The following SHROOM3 variants were observed in gnomAD, a reference collection of about 807,000 sequenced individuals.
SHROOM3 encodes shroom family member 3.
Under a neutral mutation model 138.6 loss-of-function variants are expected in SHROOM3, and 47 were observed. The ratio of observed to expected loss-of-function variants is 0.34; its 90% CI spans 0.27 to 0.43. The LOEUF is 0.43. Among genes scored for constraint, SHROOM3 ranks in the 20% least tolerant of loss-of-function variants. SHROOM3 has a pLI of 1.00. For missense variants in SHROOM3, 2,491 were observed against 2,596.5 expected (o/e 0.96, Z 0.88); for synonymous variants, 1,062 against 1,063.3 (o/e 1.00, Z 0.02).
At chr4:76,472,337 T>C (rs1214201187) in intron 1 of SHROOM3, among the ~76,000 whole-genome samples, 1 of 152,240 alleles carries the variant, frequency 6.6e-6, no homozygotes, top group Non-Finnish European at 1.5e-5. Flanking sequence ...ATTAATTCAA[T>C]GATATTTGTT....
At chr4:76,621,904 C>T (rs1735015637) in intron 2 of SHROOM3, among the ~76,000 whole-genome samples, 1 of 150,506 alleles carries the variant, frequency 6.6e-6, no homozygotes, top group Non-Finnish European at 1.5e-5. Flanking sequence ...ATCTCCGGCT[C>T]ACTGCAACCT....
chr4:76,583,538 A>C (rs1182386611), intron 2 of SHROOM3, among the ~76,000 whole-genome samples: 1 of 152,228 alleles, frequency 6.6e-6, no homozygotes, highest in Non-Finnish European at 1.5e-5. Flanking sequence ...GGAAAAGCTG[A>C]ATAATTTGCC....
chr4:76,635,652 C>G (rs575468664), intron 2 of SHROOM3, among the ~76,000 whole-genome samples: 2 of 152,298 alleles, frequency 1.3e-5, no homozygotes, highest in South Asian at 4.1e-4. Context: ...TGTACTCACT[C>G]TCTTGGTCTT....
At chr4:76,708,983 A>G (rs1409747256) in intron 2 of SHROOM3, among the ~76,000 whole-genome samples, 1 of 152,246 alleles carries the variant, frequency 6.6e-6, no homozygotes, top group African/African-American at 2.4e-5. Flanking sequence ...GTGCTTAGAT[A>G]TAACTAAGGT....
intron 2 of SHROOM3, among the ~76,000 whole-genome samples, chr4:76,648,746 T>C (rs1172629144): frequency 6.6e-6 from 1 of 152,184 alleles, no homozygotes; most frequent in Admixed American, 6.5e-5. Context: ...AGATGTAAGA[T>C]TTGATTATAA....
chr4:76,468,829 A>G (rs1035020101), intron 1 of SHROOM3, among the ~76,000 whole-genome samples: 1 of 152,014 alleles, frequency 6.6e-6, no homozygotes, highest in Non-Finnish European at 1.5e-5. Context: ...CAGGAGTTTG[A>G]TACCAGCCTG....
intron 2 of SHROOM3, among the ~76,000 whole-genome samples, chr4:76,650,517 G>GTT (rs1289011835): frequency 4.9e-5 from 7 of 143,182 alleles, no homozygotes; most frequent in Admixed American, 7.1e-5. Context: ...TTTTTTTTAA[G>GTT]TATATTTATT....
At chr4:76,712,347 G>A (rs1577989663) in intron 3 of SHROOM3, among the ~76,000 whole-genome samples, 1 of 152,296 alleles carries the variant, frequency 6.6e-6, no homozygotes, top group Middle Eastern at 3.4e-3. Flanking sequence ...GGGGATATCT[G>A]CAGGGCCATT....
At chr4:76,604,598 G>A (rs1734577829) in intron 2 of SHROOM3, among the ~76,000 whole-genome samples, 1 of 150,430 alleles carries the variant, frequency 6.6e-6, no homozygotes, top group African/African-American at 2.4e-5. Flanking sequence ...ATGTTCAAAT[G>A]GTAACCGTCC....
intron 3 of SHROOM3, among the ~76,000 whole-genome samples, chr4:76,718,397 C>G (rs1447625259): frequency 1.3e-5 from 2 of 152,140 alleles, no homozygotes; most frequent in Non-Finnish European, 2.9e-5. Flanking sequence ...AAGTCTTTTA[C>G]ATTTTCAGCT....
Position 76,740,298 on chromosome 4 carries a change from G to T in SHROOM3, c.2125G>T (p.Ala709Ser), listed in dbSNP as rs781317898. The T allele has an allele frequency of 6.8e-6, 11 of 1,613,140 alleles. No individual in the cohort carries two copies. Among genetic ancestry groups the T allele is most frequent in the Non-Finnish European group, 9.3e-6 (11 of 1,180,028 alleles). The change falls in exon 5 of 11, where the codon GCT (alanine) becomes TCT (serine). Residue 709 changes from alanine (A) to serine (S), a missense_variant. Coordinates refer to ENST00000296043, the MANE Select transcript of SHROOM3 (RefSeq NM_020859.4). This position sits in a 1 kb window ranked among gnomAD's most constrained non-coding sequence, Gnocchi z 4.0. ...GGCAGAAGACCCTGGGAGGAAAGCC[G>T]CTCCTGACCTCGGGAGCCATCTGGA... ...TKAEDPGRKA[A>S]PDLGSHLDRQ... is the part of the protein sequence containing the mutation.
chr4:76,483,390 GA>G (rs1309675783), intron 1 of SHROOM3, among the ~76,000 whole-genome samples: 2 of 152,110 alleles, frequency 1.3e-5, no homozygotes, highest in African/African-American at 4.8e-5. Flanking sequence ...ACAAACATAT[GA>G]AAAAAAGCTC....
intron 2 of SHROOM3, among the ~76,000 whole-genome samples, chr4:76,684,624 G>C (rs987293315): frequency 1.3e-5 from 2 of 152,130 alleles, no homozygotes; most frequent in Non-Finnish European, 2.9e-5. Context: ...CTTTACTTGG[G>C]ACCCTGGGGC....
chr4:76,548,909 T>C (rs1486022759), intron 1 of SHROOM3, among the ~76,000 whole-genome samples: 1 of 152,214 alleles, frequency 6.6e-6, no homozygotes, highest in Non-Finnish European at 1.5e-5. Context: ...TCTGAAGTCA[T>C]TTAACCTGTT....
chr4:76,677,237 T>C (rs1474517190), intron 2 of SHROOM3, among the ~76,000 whole-genome samples: 1 of 152,156 alleles, frequency 6.6e-6, no homozygotes, highest in East Asian at 1.9e-4. Context: ...CACTTTCCTT[T>C]ACCTTCTAGG....
At position 76,741,686 on chromosome 4, in the gene SHROOM3, C is replaced by T. The variant is rs1451622994; in HGVS notation, c.3513C>T (p.Ser1171=). ...AETQQAPRDR[S]SSFAGGRRLG... The stretch of plus-strand genomic sequence containing the variant: ...CCCAGCAGGCTCCCCGAGATCGCAG[C>T]AGCTCCTTCGCCGGTGGCCGCCGCC... The change falls in exon 5 of 11, where the codon AGC becomes AGT. Residue 1171 remains serine, a synonymous_variant. Coordinates refer to ENST00000296043, the MANE Select transcript of SHROOM3 (RefSeq NM_020859.4). This position sits in a 1 kb window ranked among gnomAD's most constrained non-coding sequence, Gnocchi z 6.2. 8 of 1,552,752 alleles carry T rather than the reference C, an allele frequency of 5.2e-6. No individual in the cohort carries two copies. Among genetic ancestry groups the T allele is most frequent in the Non-Finnish European group, 7.0e-6 (8 of 1,150,800 alleles).
At chr4:76,614,180 G>C (rs890679048) in intron 2 of SHROOM3, among the ~76,000 whole-genome samples, 2 of 152,040 alleles carry the variant, frequency 1.3e-5, no homozygotes. Context: ...TCAGCCTCCC[G>C]AGTAGCTGGG....
At chr4:76,556,821 G>A (rs1397176563) in intron 2 of SHROOM3, among the ~76,000 whole-genome samples, 1 of 152,212 alleles carries the variant, frequency 6.6e-6, no homozygotes, top group Non-Finnish European at 1.5e-5. Context: ...TCCTAAGTGA[G>A]CCCATGCTCA....
At chr4:76,685,478 C>T (rs1719310013) in intron 2 of SHROOM3, among the ~76,000 whole-genome samples, 2 of 152,086 alleles carry the variant, frequency 1.3e-5, no homozygotes, top group South Asian at 2.1e-4. Flanking sequence ...GGCCTGTAAG[C>T]TGAGGGTTGG....
Sources: allele counts gnomAD v4.1 joint callset (sites outside exome capture counted in the v4.1 genomes callset), GRCh38; gene constraint gnomAD v4.1.1; non-coding constraint Gnocchi (gnomAD v3.1); transcripts MANE v1.5; gene names NCBI Gene and HGNC (gene_info 2026-07-23, HGNC 2026-07-21).